The following CDH12 variants were observed in gnomAD, a reference collection of about 807,000 sequenced individuals.
CDH12 encodes the protein cadherin-12.
Under a neutral mutation model 74.1 loss-of-function variants are expected in CDH12, and 41 were observed. That is an observed-to-expected ratio of 0.55 (90% CI 0.43 to 0.72). The LOEUF (loss-of-function observed/expected upper bound fraction) is 0.72. CDH12 is among the 30% of genes least tolerant of loss of function. The pLI is 0.00. For missense variants in CDH12, 945 were observed against 977.2 expected (o/e 0.97, Z 0.44); for synonymous variants, 399 against 355.0 (o/e 1.12, Z -1.39).
chr5:22,801,409 T>C (rs1748505471), intron 1 of CDH12, among the ~76,000 whole-genome samples: 2 of 152,062 alleles, frequency 1.3e-5, no homozygotes, highest in South Asian at 4.1e-4. Context: ...GTATGAGCTA[T>C]TAAGGGCATC....
At chr5:22,335,082 T>A (rs1739514614) in intron 3 of CDH12, among the ~76,000 whole-genome samples, 2 of 151,790 alleles carry the variant, frequency 1.3e-5, no homozygotes, top group Non-Finnish European at 1.5e-5. Flanking sequence ...GGAGAAAAAA[T>A]TTCAAAACTA....
At chr5:22,494,688 A>T (rs1747029836) in intron 2 of CDH12, among the ~76,000 whole-genome samples, 1 of 152,188 alleles carries the variant, frequency 6.6e-6, no homozygotes. Flanking sequence ...CCTATTGATG[A>T]TGTTAAGTGA....
chr5:21,843,638 C>A (rs1037712788), intron 7 of CDH12, among the ~76,000 whole-genome samples: 1 of 151,970 alleles, frequency 6.6e-6, no homozygotes, highest in Non-Finnish European at 1.5e-5. Context: ...CATCAGCCTC[C>A]GGAGTAGCTG....
chr5:21,789,343 A>G (rs376123241), intron 10 of CDH12, among the ~76,000 whole-genome samples: 1 of 152,080 alleles, frequency 6.6e-6, no homozygotes, highest in East Asian at 1.9e-4. Flanking sequence ...CCAGGTGGGC[A>G]TTTGTATCAA....
chr5:22,120,310 A>G (rs1745431334), intron 4 of CDH12, among the ~76,000 whole-genome samples: 1 of 152,220 alleles, frequency 6.6e-6, no homozygotes, highest in South Asian at 2.1e-4. Flanking sequence ...AGAAAAAACA[A>G]ATATACATAT....
At chr5:21,893,164 A>AT (rs1421689216) in intron 6 of CDH12, among the ~76,000 whole-genome samples, 1 of 152,160 alleles carries the variant, frequency 6.6e-6, no homozygotes, top group Non-Finnish European at 1.5e-5. Context: ...ACGACTTAGA[A>AT]GAGTTTTGAT....
chr5:22,186,545 A>G (rs1749959181), intron 4 of CDH12, among the ~76,000 whole-genome samples: 1 of 152,190 alleles, frequency 6.6e-6, no homozygotes, highest in South Asian at 2.1e-4. Flanking sequence ...ATCTCAGCTC[A>G]CTGCAACCTC....
chr5:21,828,311 G>A (rs1030563956), intron 8 of CDH12, among the ~76,000 whole-genome samples: 4 of 152,002 alleles, frequency 2.6e-5, no homozygotes, highest in Admixed American at 6.6e-5. Context: ...TAGTAAAGAC[G>A]GGGTTTCACC....
chr5:21,864,709 G>C (rs1751236509), intron 6 of CDH12, among the ~76,000 whole-genome samples: 1 of 152,188 alleles, frequency 6.6e-6, no homozygotes, highest in Admixed American at 6.6e-5. Flanking sequence ...TAATGGATGA[G>C]ACTGGAAGAA....
chr5:22,238,752 A>G lies in CDH12; in HGVS notation c.-332-26109T>C, dbSNP rs544559872. Among the ~76,000 whole-genome samples the G allele has an allele frequency of 2.6e-5, 4 of 152,342 alleles. No individual in the cohort carries two copies. The South Asian group carries it at 8.3e-4, about 32-fold the overall frequency. ...CATTTAAAATGGAATCAAAATTTAT[A>G]GAGTACAATAATAAGAGCCCTCTTA... On this transcript the variant is annotated intron_variant, in intron 3 of 14. Coordinates refer to ENST00000382254, the MANE Select transcript of CDH12 (RefSeq NM_004061.5).
chr5:22,734,737 C>T (rs1407334288), intron 1 of CDH12, among the ~76,000 whole-genome samples: 6 of 151,850 alleles, frequency 4.0e-5, no homozygotes, highest in Non-Finnish European at 8.8e-5. Context: ...ATGCACCGGT[C>T]TTGAGATGGG....
Position 21,819,231 on chromosome 5 carries a change from T to A in CDH12, c.815-2099A>T, listed in dbSNP as rs1748228063. On this transcript the variant is annotated intron_variant, in intron 8 of 14. Coordinates refer to ENST00000382254, the MANE Select transcript of CDH12 (RefSeq NM_004061.5). The stretch of plus-strand genomic sequence containing the variant: ...TAGATCATAAATATTTCTTAATAGA[T>A]AAATTAAACCATGATCCTAGTGAGG... Among the ~76,000 whole-genome samples the A allele has an allele frequency of 2.6e-5, 4 of 152,092 alleles. No homozygotes were observed. In the South Asian group the frequency reaches 8.3e-4, roughly 32 times the overall value.
chr5:22,342,836 T>TTCTGTCTG (rs376667284), intron 3 of CDH12, among the ~76,000 whole-genome samples: 16 of 148,222 alleles, frequency 1.1e-4, no homozygotes, highest in African/African-American at 3.3e-4. Flanking sequence ...CTGTCTCTCT[T>TTCTGTCTG]TCTGTCTGTC....
At chr5:22,536,851 A>C (rs1255835930) in intron 1 of CDH12, among the ~76,000 whole-genome samples, 1 of 152,196 alleles carries the variant, frequency 6.6e-6, no homozygotes, top group Non-Finnish European at 1.5e-5. Context: ...AATCCACTTG[A>C]CTGCACAAAA....
intron 6 of CDH12, among the ~76,000 whole-genome samples, chr5:21,913,186 G>A (rs1753939762): frequency 6.6e-6 from 1 of 152,174 alleles, no homozygotes; most frequent in African/African-American, 2.4e-5. Flanking sequence ...ATGGATTCTA[G>A]TTTCTATGGC....
At chr5:21,803,137 T>G (rs904887488) in intron 9 of CDH12, among the ~76,000 whole-genome samples, 1 of 152,092 alleles carries the variant, frequency 6.6e-6, no homozygotes, top group African/African-American at 2.4e-5. Context: ...TGAAATAGGA[T>G]CATTGAAGAT....
intron 6 of CDH12, among the ~76,000 whole-genome samples, chr5:21,902,837 C>G (rs1453418090): frequency 6.6e-6 from 1 of 151,910 alleles, no homozygotes. Context: ...ATATGGGTAA[C>G]AACAGCTAAA....
At chr5:22,316,061 G>T (rs1028924802) in intron 3 of CDH12, among the ~76,000 whole-genome samples, 6 of 152,094 alleles carry the variant, frequency 3.9e-5, no homozygotes, top group African/African-American at 1.4e-4. Context: ...TGTGACAGGG[G>T]CTGCCTCTAG....
chr5:22,701,709 C>T (rs962514794), intron 1 of CDH12, among the ~76,000 whole-genome samples: 1 of 152,118 alleles, frequency 6.6e-6, no homozygotes, highest in South Asian at 2.1e-4. Flanking sequence ...TTCTTCATAT[C>T]ATTTCAATCT....
Sources: allele counts gnomAD v4.1 joint callset (sites outside exome capture counted in the v4.1 genomes callset), GRCh38; gene constraint gnomAD v4.1.1; transcripts MANE v1.5; gene names NCBI Gene and HGNC (gene_info 2026-07-23, HGNC 2026-07-21).